SRF: variants seen among roughly 807,000 people sequenced by gnomAD.
SRF encodes the protein c-fos serum response element-binding transcription factor.
SRF carries 7 observed loss-of-function variants against 37.1 expected under a neutral mutation model. The ratio of observed to expected loss-of-function variants is 0.19; its 90% CI spans 0.11 to 0.35. The LOEUF is 0.35. Among genes scored for constraint, SRF ranks in the 10% least tolerant of loss-of-function variants. The pLI is 1.00. For synonymous variants in SRF, 285 were observed against 310.1 expected (o/e 0.92, Z 0.85); for missense variants, 395 against 694.4 (o/e 0.57, Z 4.85).
chr6:43,172,252 G>A lies in SRF; in HGVS notation c.513+83G>A. 6.6e-7 allele frequency: 1 copy of A among 1,523,772 alleles called. No homozygotes were observed. The highest frequency in any genetic ancestry group is 8.8e-7 in the Non-Finnish European group (1 of 1,140,690). The allele number at this position is 1,523,772 out of a possible 1,614,324, so 94.4% of individuals were successfully genotyped here. A position where few individuals can be genotyped will look rare whatever the true frequency, so the allele number is the denominator to read the frequency against. The stretch of plus-strand genomic sequence containing the variant: ...GGGAGCCCGGGAGGACCGCAGAGCC[G>A]AGGCGGAGGTGAGAGGCTGCGAGTC... On this transcript the variant is annotated intron_variant, in intron 1 of 6. Transcript: ENST00000265354. The surrounding 1 kb of genome is among the most constrained non-coding windows in gnomAD (Gnocchi z 5.7).
rs1393220918 is a variant in SRF at position 43,179,204 on chromosome 6, C to T, written c.*14C>T. The T allele has an allele frequency of 6.2e-7, 1 of 1,613,792 alleles. No individual in the cohort carries two copies. The highest frequency in any genetic ancestry group is 2.2e-5 in the East Asian group (1 of 44,896). On this transcript the variant is annotated 3_prime_UTR_variant, in exon 7 of 7. Coordinates refer to ENST00000265354, the MANE Select transcript of SRF (RefSeq NM_003131.4). This position sits in a 1 kb window ranked among gnomAD's most constrained non-coding sequence, Gnocchi z 5.3. The stretch of plus-strand genomic sequence containing the variant: ...AAGAGTGAATGATCCGCCCGCCGCC[C>T]TGGACAGATGGCCCAAGGGATGGCA...
chr6:43,175,926 G>C lies in SRF; in HGVS notation c.1001G>C (p.Gly334Ala). 1 of 1,614,016 alleles carries C rather than the reference G, an allele frequency of 6.2e-7. No individual in the cohort carries two copies. The highest frequency in any genetic ancestry group is 1.3e-5 in the African/African-American group (1 of 75,042). Residue 334 changes from glycine (G) to alanine (A), a missense_variant, in exon 3 of 7, where the codon GGG becomes GCG. Physicochemically the swap from Gly to Ala is moderately conservative, Grantham distance 60. Around this residue, in one of 4 missense-constraint regions of SRF, gnomAD observed 232 missense variants for 335.6 expected, o/e 0.69. Transcript: ENST00000265354. ...ACAGGCAGCGGCCCTGTCTCCTCTG[G>C]GGGCCTTATGCAGCTGCCTACCAGC... ...KSTGSGPVSS[G>A]GLMQLPTSFT... is the part of the protein sequence containing the mutation.
intron 2 of SRF, 31 bp downstream of exon 2, chr6:43,174,144 G>T (rs757510553): frequency 6.2e-7 from 1 of 1,610,294 alleles, no homozygotes; most frequent in South Asian, 1.1e-5. Flanking sequence ...TGAGAGGAGG[G>T]AAGGGAGTGG....
At position 43,178,496 on chromosome 6, in the gene SRF, G is replaced by A. The variant is rs1408975201; in HGVS notation, c.1354+11G>A. 1.2e-6 allele frequency: 2 copies of A among 1,609,786 alleles called. No individual in the cohort carries two copies. The highest frequency in any genetic ancestry group is 1.7e-6 in the Non-Finnish European group (2 of 1,176,710). On this transcript the variant is annotated intron_variant, in intron 5 of 6. Transcript: ENST00000265354. The surrounding 1 kb of genome is among the most constrained non-coding windows in gnomAD (Gnocchi z 4.3). ...AGGTCCAGGAGCCAGGTGAGTAGAG[G>A]AGCAGGGCTAAGGAAAGGAGGACCG...
Position 43,178,228 on chromosome 6 carries a change from C to G in SRF, c.1163-66C>G, listed in dbSNP as rs1772241962. On this transcript the variant is annotated intron_variant, in intron 4 of 6. Transcript: ENST00000265354. The surrounding 1 kb of genome is among the most constrained non-coding windows in gnomAD (Gnocchi z 4.3). ...AGAGGGCTCTGGGGGCCTGGAATTCCTAGGGACGGAATGGGAGTTATCAGT... is the reference window on the plus strand; with the variant it reads ...AGAGGGCTCTGGGGGCCTGGAATTCGTAGGGACGGAATGGGAGTTATCAGT... 1 of 1,481,124 alleles carries G rather than the reference C, an allele frequency of 6.8e-7. No homozygotes were observed. The highest frequency in any genetic ancestry group is 2.2e-5 in the Admixed American group (1 of 46,178). 91.7% of individuals were successfully genotyped at this position (1,481,124 alleles called of 1,614,324 possible). A position where few individuals can be genotyped will look rare whatever the true frequency, so the allele number is the denominator to read the frequency against.
chr6:43,179,717 C>T lies in SRF; in HGVS notation c.*527C>T, dbSNP rs1772271992. ...TTCCTCACACTGCTGTCCTCTCCCC[C>T]TTCAGCTCCTGAGTAGCTGGGCCTG... is the stretch of plus-strand genomic sequence containing the variant. On this transcript the variant is annotated 3_prime_UTR_variant, in exon 7 of 7. Transcript: ENST00000265354. The surrounding 1 kb of genome is among the most constrained non-coding windows in gnomAD (Gnocchi z 5.3). 6.1e-6 allele frequency: 1 copy of T among 165,018 alleles called. No homozygotes were observed. Among genetic ancestry groups the T allele is most frequent in the African/African-American group, 2.4e-5 (1 of 41,684 alleles). 10.2% of individuals were successfully genotyped at this position (165,018 alleles called of 1,614,324 possible).
rs1772185788 is a variant in SRF at position 43,175,775 on chromosome 6, A to G, written c.850A>G (p.Ser284Gly). ...AACCTCCACCATCCAAACAGCACCTAGCACCTCTACCACCATGCAAGTCAG... is the reference window on the plus strand; with the variant it reads ...AACCTCCACCATCCAAACAGCACCTGGCACCTCTACCACCATGCAAGTCAG... ...GTTSTIQTAP[S>G]TSTTMQVSSG... Residue 284 changes from serine to glycine, a missense_variant, in exon 3 of 7, where the codon AGC becomes GGC. Around this residue, in one of 4 missense-constraint regions of SRF, gnomAD observed 232 missense variants for 335.6 expected, o/e 0.69. Transcript: ENST00000265354. 6.2e-7 allele frequency: 1 copy of G among 1,614,084 alleles called. No homozygotes were observed. Among genetic ancestry groups the G allele is most frequent in the African/African-American group, 1.3e-5 (1 of 74,918 alleles).
At position 43,179,520 on chromosome 6, in the gene SRF, C is replaced by G. The variant is rs1449977008; in HGVS notation, c.*330C>G. 2.9e-6 allele frequency: 1 copy of G among 348,664 alleles called. No homozygotes were observed. Among genetic ancestry groups the G allele is most frequent in the East Asian group, 6.9e-5 (1 of 14,478 alleles). 21.6% of individuals were successfully genotyped at this position (348,664 alleles called of 1,614,324 possible). On this transcript the variant is annotated 3_prime_UTR_variant, in exon 7 of 7. Coordinates refer to ENST00000265354, the MANE Select transcript of SRF (RefSeq NM_003131.4). The surrounding 1 kb of genome is among the most constrained non-coding windows in gnomAD (Gnocchi z 5.3). ...CCAATGGGACCGTGCCCCACCTCCC[C>G]ACACACAGGCCTTCTGTGGGGCTGG...
chr6:43,178,451 C>T lies in SRF; in HGVS notation c.1320C>T (p.Thr440=). The stretch of plus-strand genomic sequence containing the variant: ...ATGCCTTCTCCCAGGCACCATCCAC[C>T]ATGCAGGTGTCACACAGCCAGGTCC... The part of the protein sequence containing the change: ...VLNAFSQAPS[T]MQVSHSQVQE... The change falls in exon 5 of 7, where the codon ACC becomes ACT. Residue 440 remains threonine, a synonymous_variant. Transcript: ENST00000265354. The surrounding 1 kb of genome is among the most constrained non-coding windows in gnomAD (Gnocchi z 4.3). 1.2e-6 allele frequency: 2 copies of T among 1,613,980 alleles called. No individual in the cohort carries two copies. Among genetic ancestry groups the T allele is most frequent in the Non-Finnish European group, 1.7e-6 (2 of 1,179,922 alleles).
At chr6:43,174,603 T>A (rs1772163872) in intron 2 of SRF, among the ~76,000 whole-genome samples, 1 of 152,254 alleles carries the variant, frequency 6.6e-6, no homozygotes, top group Non-Finnish European at 1.5e-5. Context: ...CGCATTTGCC[T>A]GCTGCTAGGG....
At position 43,179,305 on chromosome 6, in the gene SRF, G is replaced by A. The variant is rs969399319; in HGVS notation, c.*115G>A. 6 of 1,107,282 alleles carry A rather than the reference G, an allele frequency of 5.4e-6. No individual in the cohort carries two copies. In the African/African-American group the frequency reaches 9.2e-5, roughly 17 times the overall value. 68.6% of individuals were successfully genotyped at this position (1,107,282 alleles called of 1,614,324 possible). ...GGCCGCAGGAGGGAGGCGGGGAGGA[G>A]GAACGGGCAGCCACAGGACTGAGCC... On this transcript the variant is annotated 3_prime_UTR_variant, in exon 7 of 7. Coordinates refer to ENST00000265354, the MANE Select transcript of SRF (RefSeq NM_003131.4). This position sits in a 1 kb window ranked among gnomAD's most constrained non-coding sequence, Gnocchi z 5.3.
At position 43,178,635 on chromosome 6, in the gene SRF, C is replaced by A; in HGVS notation, c.1354+150C>A. ...TTGGATGCTCACACACACATTTGGACACCCCACTTGGACACTCACACCCGC... is the reference window on the plus strand; with the variant it reads ...TTGGATGCTCACACACACATTTGGAAACCCCACTTGGACACTCACACCCGC... On this transcript the variant is annotated intron_variant, in intron 5 of 6. Coordinates refer to ENST00000265354, the MANE Select transcript of SRF (RefSeq NM_003131.4). The surrounding 1 kb of genome is among the most constrained non-coding windows in gnomAD (Gnocchi z 4.3). 1 of 1,293,674 alleles carries A rather than the reference C, an allele frequency of 7.7e-7. No individual in the cohort carries two copies. Among genetic ancestry groups the A allele is most frequent in the Non-Finnish European group, 1.1e-6 (1 of 917,146 alleles). 80.1% of individuals were successfully genotyped at this position (1,293,674 alleles called of 1,614,324 possible).
chr6:43,171,460 G>A lies in SRF; in HGVS notation c.-197G>A, dbSNP rs1772094011. 2.2e-6 allele frequency: 1 copy of A among 460,582 alleles called. No homozygotes were observed. The highest frequency in any genetic ancestry group is 3.2e-6 in the Non-Finnish European group (1 of 310,558). 28.5% of individuals were successfully genotyped at this position (460,582 alleles called of 1,614,324 possible). A position where few individuals can be genotyped will look rare whatever the true frequency, so the allele number is the denominator to read the frequency against. ...CGCTGCGCGCGGCCTGGGGCAACCC[G>A]GGCCACAGGGGCAGGAAAGTGAGGG... On this transcript the variant is annotated 5_prime_UTR_variant, in exon 1 of 7. Transcript: ENST00000265354. This position sits in a 1 kb window ranked among gnomAD's most constrained non-coding sequence, Gnocchi z 6.5.
chr6:43,174,030 G>T lies in SRF; in HGVS notation c.697G>T (p.Asp233Tyr). The T allele has an allele frequency of 6.2e-7, 1 of 1,614,182 alleles. No homozygotes were observed. Among genetic ancestry groups the T allele is most frequent in the East Asian group, 2.2e-5 (1 of 44,886 alleles). ...TCCACCCCGTTCAGACCCCACAACA[G>T]ACCAGAGAATGAGTGCCACTGGCTT... is the stretch of plus-strand genomic sequence containing the variant. ...DSPPRSDPTT[D>Y]QRMSATGFEE... The change falls in exon 2 of 7, where the codon GAC (aspartate) becomes TAC (tyrosine). Residue 233 changes from aspartate (D) to tyrosine (Y), a missense_variant. By Grantham distance (160) the Asp-to-Tyr change is radical (BLOSUM62 -3). This residue lies in a region of SRF where 20 missense variants were observed against 37.2 expected (regional missense o/e 0.54). Transcript: ENST00000265354.
In SRF at chr6:43,171,848, G is replaced by C. The variant is rs1477324031; in HGVS notation, c.192G>C (p.Ala64=). The part of the protein sequence containing the change: ...GRLEREAAAA[A]ATTPAPTAGA... ...TGGAGCGGGAGGCTGCGGCAGCGGC[G>C]GCAACCACCCCGGCGCCCACCGCGG... The change falls in exon 1 of 7, where the codon GCG becomes GCC. Residue 64 remains alanine, a synonymous_variant. Coordinates refer to ENST00000265354, the MANE Select transcript of SRF (RefSeq NM_003131.4). This position sits in a 1 kb window ranked among gnomAD's most constrained non-coding sequence, Gnocchi z 6.5. 2 of 1,262,848 alleles carry C rather than the reference G, an allele frequency of 1.6e-6. No homozygotes were observed. Among genetic ancestry groups the C allele is most frequent in the East Asian group, 6.3e-5 (2 of 31,746 alleles). The allele number at this position is 1,262,848 out of a possible 1,614,324, so 78.2% of individuals were successfully genotyped here.
rs1772137883 is a variant in SRF at position 43,173,017 on chromosome 6, G to A, written c.514-830G>A. On this transcript the variant is annotated intron_variant, in intron 1 of 6. Coordinates refer to ENST00000265354, the MANE Select transcript of SRF (RefSeq NM_003131.4). The surrounding 1 kb of genome is among the most constrained non-coding windows in gnomAD (Gnocchi z 4.2). ...GAAAGCAGAGGAACTGGGAGACAAGGAGCTGGATCCTTGGGAACACTGGCT... is the reference window on the plus strand; with the variant it reads ...GAAAGCAGAGGAACTGGGAGACAAGAAGCTGGATCCTTGGGAACACTGGCT... 6.6e-6 allele frequency among the ~76,000 whole-genome samples: 1 copy of A among 152,214 alleles called. No individual in the cohort carries two copies. The highest frequency in any genetic ancestry group is 2.4e-5 in the African/African-American group (1 of 41,448).
In SRF at chr6:43,176,101, G is replaced by A; in HGVS notation, c.1042+134G>A. 4 of 1,284,424 alleles carry A rather than the reference G, an allele frequency of 3.1e-6. No individual in the cohort carries two copies. The highest frequency in any genetic ancestry group is 4.2e-6 in the Non-Finnish European group (4 of 948,570). 79.6% of individuals were successfully genotyped at this position (1,284,424 alleles called of 1,614,324 possible). A position where few individuals can be genotyped will look rare whatever the true frequency, so the allele number is the denominator to read the frequency against. On this transcript the variant is annotated intron_variant, in intron 3 of 6. Transcript: ENST00000265354. The surrounding 1 kb of genome is among the most constrained non-coding windows in gnomAD (Gnocchi z 4.0). Reference sequence around the variant, plus strand: ...AAGGTGAATAGGGGCCAGAGCCTGAGCGAAGCCTCTTATATCCCGTTGGCA... The same window carrying A: ...AAGGTGAATAGGGGCCAGAGCCTGAACGAAGCCTCTTATATCCCGTTGGCA...
chr6:43,177,228 G>GTTTT (rs544658252), intron 4 of SRF, among the ~76,000 whole-genome samples: 2 of 116,848 alleles, frequency 1.7e-5, no homozygotes, highest in Admixed American at 9.0e-5. Flanking sequence ...ATCGGAGTCT[G>GTTTT]TTTTTTTTTT....
intron 4 of SRF, among the ~76,000 whole-genome samples, chr6:43,177,226 C>CTTTTTTTTTTTTTTTTT (rs1562000896): frequency 9.1e-6 from 1 of 109,360 alleles, no homozygotes; most frequent in African/African-American, 5.4e-5. Flanking sequence ...GAATCGGAGT[C>CTTTTTTTTTTTTTTTTT]TGTTTTTTTT....
Sources: allele counts gnomAD v4.1 joint callset (sites outside exome capture counted in the v4.1 genomes callset), GRCh38; gene constraint gnomAD v4.1.1; regional missense constraint gnomAD v4.1.1; non-coding constraint Gnocchi (gnomAD v3.1); transcripts MANE v1.5; gene names NCBI Gene and HGNC (gene_info 2026-07-23, HGNC 2026-07-21).